Variants in XRRA1 observed in about 807,000 individuals in gnomAD.
XRRA1 encodes X-ray radiation resistance associated 1.
Under a neutral mutation model 80.2 loss-of-function variants are expected in XRRA1, and 69 were observed. The ratio of observed to expected loss-of-function variants is 0.86; its 90% CI spans 0.71 to 1.05. The LOEUF is 1.05. Ranked by LOEUF, XRRA1 falls within the 50% of genes least tolerant of loss-of-function variation. The probability of loss-of-function intolerance (pLI) is 0.00; values close to 1 mark genes in which losing one functional copy is unlikely to be tolerated. For synonymous variants in XRRA1, 348 were observed against 389.9 expected, an observed-to-expected ratio of 0.89 and a Z score of 1.27; for missense variants, 967 against 976.4, an observed-to-expected ratio of 0.99 and a Z score of 0.13.
rs1320262658 is a variant in XRRA1, at chr11:74,841,558, CTTT to C, written c.*1639_*1641del. ...TTAAGAAAAAAATTTACTCTCTCTCCTTTGTGAGTAAATGCCTCCTTAATGCCT... is the reference window on the plus strand; with the variant it reads ...TTAAGAAAAAAATTTACTCTCTCTCCGTGAGTAAATGCCTCCTTAATGCCT... On this transcript the variant is annotated 3_prime_UTR_variant, in exon 19 of 19. Transcript: ENST00000684022. 6.6e-6 allele frequency: 1 copy of C among 152,126 alleles called. No homozygotes were observed. The highest frequency in any genetic ancestry group is 1.9e-4 in the East Asian group (1 of 5,198). 9.4% of individuals were successfully genotyped at this position (152,126 alleles called of 1,614,324 possible).
At chr11:74,855,049 C>CA (rs1021127907) in intron 12 of XRRA1, among the ~76,000 whole-genome samples, 35 of 148,206 alleles carry the variant, frequency 2.4e-4, no homozygotes, top group Non-Finnish European at 3.9e-4. Flanking sequence ...GACTCTGTCT[C>CA]AAAAAAAAAG....
chr11:74,898,556 A>T (rs955440964), intron 10 of XRRA1, among the ~76,000 whole-genome samples: 8 of 152,198 alleles, frequency 5.3e-5, no homozygotes, highest in African/African-American at 1.9e-4. Flanking sequence ...AAATAAAGGG[A>T]TGGAAAAAGA....
intron 10 of XRRA1, among the ~76,000 whole-genome samples, chr11:74,879,750 T>A (rs890156875): frequency 2.8e-4 from 41 of 148,236 alleles, no homozygotes; most frequent in African/African-American, 9.7e-4. Context: ...TGGCTCTGTT[T>A]ATATGCTGGA....
At chr11:74,906,199 CCAT>C in intron 10 of XRRA1, 37 bp downstream of exon 10, 2 of 1,580,686 alleles carry the variant, frequency 1.3e-6, no homozygotes, top group Non-Finnish European at 1.7e-6. Context: ...TGTATTTCCA[CCAT>C]GAGGGTAGAA....
chr11:74,880,397 C>A (rs1431948896), intron 10 of XRRA1, among the ~76,000 whole-genome samples: 1 of 151,340 alleles, frequency 6.6e-6, no homozygotes, highest in Non-Finnish European at 1.5e-5. Flanking sequence ...TTTTGTTGAT[C>A]CTTTCAAAAA....
At chr11:74,941,418 G>A (rs985483341) in intron 2 of XRRA1, among the ~76,000 whole-genome samples, 3 of 152,198 alleles carry the variant, frequency 2.0e-5, no homozygotes, top group Admixed American at 6.5e-5. Context: ...GAGGGATTGA[G>A]TTTTCTGATA....
intron 11 of XRRA1, among the ~76,000 whole-genome samples, chr11:74,862,311 G>A (rs2042472646): frequency 6.6e-6 from 1 of 152,152 alleles, no homozygotes; most frequent in Non-Finnish European, 1.5e-5. Flanking sequence ...AATTGTTATT[G>A]GGTTGGTTTG....
chr11:74,884,232 G>C (rs1226518533), intron 10 of XRRA1, among the ~76,000 whole-genome samples: 1 of 152,158 alleles, frequency 6.6e-6, no homozygotes, highest in Non-Finnish European at 1.5e-5. Context: ...AGATAAGCGA[G>C]CTGGAATCTT....
At chr11:74,862,794 A>ATG (rs1284597771) in intron 11 of XRRA1, among the ~76,000 whole-genome samples, 187 bp downstream of exon 11, 1 of 152,046 alleles carries the variant, frequency 6.6e-6, no homozygotes, top group African/African-American at 2.4e-5. Flanking sequence ...AGGTCAAGAC[A>ATG]TGTCTGTCTC....
chr11:74,945,749 C>T (rs750771469), intron 1 of XRRA1, among the ~76,000 whole-genome samples: 1 of 152,080 alleles, frequency 6.6e-6, no homozygotes, highest in Non-Finnish European at 1.5e-5. Context: ...GCAGCTAATG[C>T]CAATCTGACT....
intron 15 of XRRA1, among the ~76,000 whole-genome samples, chr11:74,847,419 G>A (rs1222724865): frequency 1.3e-5 from 2 of 152,182 alleles, no homozygotes; most frequent in African/African-American, 4.8e-5. Flanking sequence ...TTTGCCACAT[G>A]CCACCCTTCT....
At chr11:74,855,098 A>G (rs2040771858) in intron 12 of XRRA1, among the ~76,000 whole-genome samples, 1 of 152,198 alleles carries the variant, frequency 6.6e-6, no homozygotes, top group Non-Finnish European at 1.5e-5. Flanking sequence ...ATTTGTTGCC[A>G]TATTGCCTTT....
intron 10 of XRRA1, among the ~76,000 whole-genome samples, chr11:74,882,796 G>A (rs550271887): frequency 1.3e-5 from 2 of 152,028 alleles, no homozygotes; most frequent in African/African-American, 4.8e-5. Context: ...GCCCCTGCTG[G>A]GGGGGTGCCT....
At chr11:74,909,714 T>C (rs540699036) in intron 8 of XRRA1, among the ~76,000 whole-genome samples, 3 of 152,102 alleles carry the variant, frequency 2.0e-5, no homozygotes, top group Non-Finnish European at 4.4e-5. Flanking sequence ...AGTGGCAAAG[T>C]CTGTCAGTAG....
At position 74,943,522 on chromosome 11, in the gene XRRA1, A is replaced by AC. The variant is rs1555108261; in HGVS notation, c.-5+1495_-5+1496insG. Among the ~76,000 whole-genome samples, 8 of 55,572 alleles carry AC rather than the reference A, an allele frequency of 1.4e-4. No homozygotes were observed. In the East Asian group the frequency reaches 7.2e-3, roughly 50 times the overall value. 36.5% of individuals were successfully genotyped at this position (55,572 alleles called of 152,430 possible). ...CTGGAGGCGAGGGGAAGAGAGTAGGAGGGTGTGTGTGTGTGTGTGTGTGTG... is the reference window on the plus strand; with the variant it reads ...CTGGAGGCGAGGGGAAGAGAGTAGGACGGGTGTGTGTGTGTGTGTGTGTGTG... On this transcript the variant is annotated intron_variant, in intron 2 of 18. Transcript: ENST00000684022.
chr11:74,870,390 TA>T (rs892328281), intron 10 of XRRA1, among the ~76,000 whole-genome samples: 103 of 152,208 alleles, frequency 6.8e-4, no homozygotes, highest in African/African-American at 2.4e-3. Flanking sequence ...TGAGCATCAG[TA>T]ACAGGATCTC....
intron 10 of XRRA1, chr11:74,877,034 T>C (rs1313432066): frequency 6.6e-6 from 1 of 152,222 alleles, no homozygotes; most frequent in Admixed American, 6.5e-5. Context: ...TAAATTGTTA[T>C]ACTTACTCTG....
At chr11:74,859,131 G>A in intron 12 of XRRA1, 27 bp downstream of exon 12, 1 of 1,570,820 alleles carries the variant, frequency 6.4e-7, no homozygotes, top group Non-Finnish European at 8.6e-7. Context: ...GTGCCCCTGA[G>A]TAAACAGGAG....
intron 18 of XRRA1, 77 bp from the exon 19 acceptor site, chr11:74,843,530 A>G: frequency 1.3e-6 from 2 of 1,527,454 alleles, no homozygotes; most frequent in Non-Finnish European, 8.8e-7. Flanking sequence ...GATTGGGTCC[A>G]GAGACCCTTG....
Sources: allele counts gnomAD v4.1 joint callset (sites outside exome capture counted in the v4.1 genomes callset), GRCh38; gene constraint gnomAD v4.1.1; transcripts MANE v1.5; gene names NCBI Gene and HGNC (gene_info 2026-07-23, HGNC 2026-07-21).